Variants in ATP7A observed in about 807,000 individuals in gnomAD.
The protein encoded by ATP7A is ATPase copper transporting alpha, also known as copper-transporting ATPase 1.
A neutral mutation model predicts 83.5 loss-of-function variants in ATP7A; 7 were observed. That is an observed-to-expected ratio of 0.08 (90% CI 0.05 to 0.16). The LOEUF is 0.16. ATP7A is among the 10% of genes least tolerant of loss of function. The probability of loss-of-function intolerance (pLI) is 1.00; values close to 1 mark genes in which losing one functional copy is unlikely to be tolerated. For synonymous variants in ATP7A, 354 were observed against 395.2 expected, an observed-to-expected ratio of 0.90 and a Z score of 1.24; for missense variants, 940 against 1,120.8, an observed-to-expected ratio of 0.84 and a Z score of 2.30.
At position 77,942,322 on chromosome X, in the gene ATP7A, A is replaced by G. The variant is rs180827262; in HGVS notation, c.-21-29299A>G. Reference sequence around the variant, plus strand: ...TTGTTCCTAATTTGATAAATTTTCTATATTACTAGTTTTGGAGTAGAAGAT... The same window carrying G: ...TTGTTCCTAATTTGATAAATTTTCTGTATTACTAGTTTTGGAGTAGAAGAT... On this transcript the variant is annotated intron_variant, in intron 1 of 22. Coordinates refer to ENST00000341514, the MANE Select transcript of ATP7A (RefSeq NM_000052.7). Among the ~76,000 whole-genome samples the G allele has an allele frequency of 1.8e-3, 204 of 112,031 alleles. 2 individuals are homozygous for G. The highest frequency in any genetic ancestry group is 6.0e-3 in the African/African-American group (186 of 30,881).
At chrX:77,922,410 A>G (rs1172135677) in intron 1 of ATP7A, among the ~76,000 whole-genome samples, 3 of 110,684 alleles carry the variant, frequency 2.7e-5, no homozygotes, top group African/African-American at 9.9e-5. Flanking sequence ...GGCTGAGGTG[A>G]GAGGATTGCT....
intron 12 of ATP7A, among the ~76,000 whole-genome samples, chrX:78,016,518 A>G (rs1289108040): frequency 9.0e-6 from 1 of 111,187 alleles, no homozygotes; most frequent in African/African-American, 3.3e-5. Context: ...AAAGTCCACA[A>G]TCTAAAGTCT....
rs782472435 is a variant in ATP7A at position 78,011,432 on chromosome X, T to A, written c.1947-17T>A. ...TTTATGACCATGATTTTTCTTTTTTTATTTTTTCCATATAAGATGGAGACG... is the reference window on the plus strand; with the variant it reads ...TTTATGACCATGATTTTTCTTTTTTAATTTTTTCCATATAAGATGGAGACG... On this transcript the variant is annotated splice_polypyrimidine_tract_variant and intron_variant, in intron 8 of 22. Transcript: ENST00000341514. 5.8e-6 allele frequency: 7 copies of A among 1,198,882 alleles called. No homozygotes were observed. The highest frequency in any genetic ancestry group is 3.0e-5 in the East Asian group (1 of 33,727).
chrX:78,001,148 T>C (rs1176174089), intron 5 of ATP7A, among the ~76,000 whole-genome samples: 1 of 111,909 alleles, frequency 8.9e-6, no homozygotes, highest in Non-Finnish European at 1.9e-5. Context: ...GATTTTTTCC[T>C]ACTTTCTCTA....
chrX:77,982,042 A>G (rs1423202442), intron 2 of ATP7A, among the ~76,000 whole-genome samples: 1 of 111,617 alleles, frequency 9.0e-6, no homozygotes, highest in African/African-American at 3.2e-5. Context: ...TATATTTTTC[A>G]GCAAACCATA....
At chrX:78,010,872 C>T (rs2077818040) in intron 7 of ATP7A, among the ~76,000 whole-genome samples, 1 of 110,552 alleles carries the variant, frequency 9.0e-6, no homozygotes, top group African/African-American at 3.3e-5. Context: ...AGCCACCGTG[C>T]CCGGCCTGGT....
At chrX:78,030,003 G>A (rs1446125716) in intron 15 of ATP7A, among the ~76,000 whole-genome samples, 5 of 112,319 alleles carry the variant, frequency 4.5e-5, no homozygotes, top group Non-Finnish European at 9.4e-5. Flanking sequence ...GAGGATGTAA[G>A]CTATGTACAG....
At chrX:78,032,795 A>G (rs1272001790) in intron 16 of ATP7A, among the ~76,000 whole-genome samples, 2 of 111,475 alleles carry the variant, frequency 1.8e-5, no homozygotes, top group African/African-American at 3.3e-5. Flanking sequence ...CCTATTACCT[A>G]TTACTGACCT....
chrX:77,955,708 A>G (rs375572164), intron 1 of ATP7A, among the ~76,000 whole-genome samples: 2 of 111,166 alleles, frequency 1.8e-5, no homozygotes, highest in South Asian at 3.8e-4. Context: ...ACTGTTAACA[A>G]TCCTCAACCT....
chrX:77,919,636 A>G (rs1289029957), intron 1 of ATP7A, among the ~76,000 whole-genome samples: 3 of 112,014 alleles, frequency 2.7e-5, no homozygotes, highest in Non-Finnish European at 5.6e-5. Flanking sequence ...GATTACAGGC[A>G]CACGCCACCC....
intron 2 of ATP7A, among the ~76,000 whole-genome samples, chrX:77,980,231 C>T (rs966567100): frequency 9.0e-6 from 1 of 111,089 alleles, no homozygotes; most frequent in Non-Finnish European, 1.9e-5. Context: ...TCACGGATCA[C>T]GAGGTCAGGA....
At chrX:77,985,504 G>C (rs1392521122) in intron 2 of ATP7A, among the ~76,000 whole-genome samples, 2 of 110,809 alleles carry the variant, frequency 1.8e-5, no homozygotes, top group Non-Finnish European at 3.8e-5. Context: ...GTAGTACCTA[G>C]AGCAATACCA....
chrX:78,041,118 G>A (rs2078044874), intron 19 of ATP7A, among the ~76,000 whole-genome samples: 1 of 110,574 alleles, frequency 9.0e-6, no homozygotes, highest in Admixed American at 9.7e-5. Context: ...CACCACCAAT[G>A]GAACTATTTT....
At chrX:77,948,753 T>C (rs1442937672) in intron 1 of ATP7A, among the ~76,000 whole-genome samples, 2 of 111,719 alleles carry the variant, frequency 1.8e-5, no homozygotes, top group African/African-American at 3.3e-5. Context: ...TCACAGACAA[T>C]GGAAACATGG....
At chrX:77,957,463 C>G (rs2077451678) in intron 1 of ATP7A, among the ~76,000 whole-genome samples, 1 of 107,977 alleles carries the variant, frequency 9.3e-6, no homozygotes, top group Admixed American at 9.8e-5. Context: ...ACAAAATAAC[C>G]TGACTAAAAA....
At chrX:77,941,343 A>G (rs1269989213) in intron 1 of ATP7A, among the ~76,000 whole-genome samples, 1 of 111,869 alleles carries the variant, frequency 8.9e-6, no homozygotes, top group Admixed American at 9.5e-5. Context: ...ACGTTTATCT[A>G]TCTTCTTTGG....
intron 1 of ATP7A, among the ~76,000 whole-genome samples, chrX:77,919,637 C>T (rs1410406416): frequency 3.6e-5 from 4 of 112,055 alleles, no homozygotes; most frequent in Non-Finnish European, 7.5e-5. Flanking sequence ...ATTACAGGCA[C>T]ACGCCACCCC....
chrX:77,985,960 C>A (rs782112404), intron 2 of ATP7A, among the ~76,000 whole-genome samples: 1 of 111,611 alleles, frequency 9.0e-6, no homozygotes, highest in Non-Finnish European at 1.9e-5. Context: ...TTAAAAGAGG[C>A]CTTCTTTAAA....
intron 14 of ATP7A, among the ~76,000 whole-genome samples, chrX:78,022,452 ATTTAT>A (rs2077912667): frequency 9.1e-6 from 1 of 109,837 alleles, no homozygotes; most frequent in African/African-American, 3.3e-5. Context: ...TGTTGTATTT[ATTTAT>A]TTTATTTTTT....
Sources: gnomAD v4.1 joint callset for allele counts (sites outside exome capture counted in the v4.1 genomes callset) on GRCh38, gnomAD v4.1.1 for gene constraint, MANE v1.5 for transcripts, NCBI Gene and HGNC (gene_info 2026-07-23, HGNC 2026-07-21) for gene names.